GALNT13: variants seen among roughly 807,000 people sequenced by gnomAD.
The protein encoded by GALNT13 is UDP-GalNAc:polypeptide N-acetylgalactosaminyltransferase 13.
GALNT13 carries 28 observed loss-of-function variants against 64.2 expected under a neutral mutation model. The observed-to-expected ratio is 0.44, with a 90% CI of 0.32 to 0.60. The LOEUF (loss-of-function observed/expected upper bound fraction) is 0.60. GALNT13 is among the 20% of genes least tolerant of loss of function. GALNT13 has a pLI of 0.05. For synonymous variants in GALNT13, 214 were observed against 224.6 expected (o/e 0.95, Z 0.42); for missense variants, 577 against 669.8 (o/e 0.86, Z 1.53).
At chr2:153,568,577 A>C in the GALNT13 span, among the ~76,000 whole-genome samples, 1 of 152,182 alleles carries the variant, frequency 6.6e-6, no homozygotes, top group Non-Finnish European at 1.5e-5. Context: ...TCACTGAATA[A>C]AAGTACAATT....
chr2:153,220,701 G>A, the GALNT13 span, among the ~76,000 whole-genome samples: 5 of 152,138 alleles, frequency 3.3e-5, no homozygotes, highest in African/African-American at 9.7e-5. Flanking sequence ...CTGCTCTAAA[G>A]CTTTTTCATA....
the GALNT13 span, among the ~76,000 whole-genome samples, chr2:153,314,290 G>C: frequency 6.6e-6 from 1 of 152,014 alleles, no homozygotes; most frequent in African/African-American, 2.4e-5. Flanking sequence ...GAGACCTATA[G>C]AACACAATCA....
the GALNT13 span, among the ~76,000 whole-genome samples, chr2:153,102,259 T>TA: frequency 5.9e-5 from 9 of 152,226 alleles, no homozygotes; most frequent in Non-Finnish European, 1.2e-4. Context: ...CTTCTGTCTT[T>TA]AGATATAGAG....
the GALNT13 span, among the ~76,000 whole-genome samples, chr2:153,807,911 G>A: frequency 5.5e-3 from 833 of 152,060 alleles, 6 homozygotes; most frequent in African/African-American, 0.018. Flanking sequence ...TAAAGCCTTC[G>A]GTTATTTTCT....
chr2:154,200,968 AT>A (rs1687138061), intron 4 of GALNT13, among the ~76,000 whole-genome samples: 1 of 152,168 alleles, frequency 6.6e-6, no homozygotes, highest in African/African-American at 2.4e-5. Flanking sequence ...ATGCAATTCT[AT>A]TTTACAACAA....
chr2:153,824,013 G>T, the GALNT13 span, among the ~76,000 whole-genome samples: 2 of 152,040 alleles, frequency 1.3e-5, no homozygotes, highest in Non-Finnish European at 2.9e-5. Context: ...AACATGAAAA[G>T]AATGCTCCAC....
chr2:154,150,867 T>G lies in GALNT13; in HGVS notation c.311+10362T>G, dbSNP rs951467932. ...AGCGGTCTATCAATTTTGGTGATCC[T>G]TTCAAAAAACCAGCTCCTGGATTCA... On this transcript the variant is annotated intron_variant, in intron 4 of 12. Transcript: ENST00000392825. Among the ~76,000 whole-genome samples the G allele has an allele frequency of 1.3e-5, 2 of 152,180 alleles. 1 individual carries two copies. Among genetic ancestry groups the G allele is most frequent in the Non-Finnish European group, 2.9e-5 (2 of 68,040 alleles).
chr2:153,826,897 G>T, the GALNT13 span, among the ~76,000 whole-genome samples: 5 of 152,042 alleles, frequency 3.3e-5, no homozygotes, highest in African/African-American at 1.2e-4. Context: ...ATGAGGAGGA[G>T]AAAGTTGCTG....
chr2:153,534,518 C>CTTTTTTTTTTTTTTTTT, the GALNT13 span, among the ~76,000 whole-genome samples: 2 of 123,776 alleles, frequency 1.6e-5, 1 homozygote, highest in African/African-American at 7.1e-5. Flanking sequence ...GCCCCTCTTT[C>CTTTTTTTTTTTTTTTTT]TTTCTTTCTT....
At chr2:153,726,870 A>G in the GALNT13 span, among the ~76,000 whole-genome samples, 23,588 of 150,620 alleles carry the variant, frequency 0.16, 3,276 homozygotes, top group African/African-American at 0.37. Flanking sequence ...AACCCGGAAG[A>G]CAGAGCTTGC....
intron 2 of GALNT13, among the ~76,000 whole-genome samples, chr2:153,943,661 A>AT: frequency 6.6e-6 from 1 of 151,908 alleles, no homozygotes; most frequent in Admixed American, 6.6e-5. Flanking sequence ...TGCCTGGCTA[A>AT]TTTTTGTATT....
the GALNT13 span, among the ~76,000 whole-genome samples, chr2:153,788,280 G>A: frequency 2.0e-5 from 3 of 152,122 alleles, no homozygotes; most frequent in Non-Finnish European, 4.4e-5. Context: ...GAGATTGCAG[G>A]CCTATATTCA....
the GALNT13 span, among the ~76,000 whole-genome samples, chr2:153,193,626 T>TAATA: frequency 9.4e-5 from 14 of 148,780 alleles, no homozygotes; most frequent in Admixed American, 2.7e-4. Flanking sequence ...AATAGGTTTA[T>TAATA]AATAAATAAA....
chr2:154,060,874 A>T (rs1204554036), intron 3 of GALNT13, among the ~76,000 whole-genome samples: 1 of 152,126 alleles, frequency 6.6e-6, no homozygotes, highest in Non-Finnish European at 1.5e-5. Flanking sequence ...CCAGGGGGAC[A>T]CAGCAAGCTA....
At chr2:154,053,324 C>G (rs558121209) in intron 3 of GALNT13, among the ~76,000 whole-genome samples, 2 of 152,208 alleles carry the variant, frequency 1.3e-5, no homozygotes, top group East Asian at 3.9e-4. Flanking sequence ...ATGGCGATAG[C>G]TATACCTCAA....
In GALNT13 at chr2:153,907,072, T is replaced by C. The variant is rs1048494932; in HGVS notation, c.-105+6065T>C. Among the ~76,000 whole-genome samples, 15 of 152,134 alleles carry C rather than the reference T, an allele frequency of 9.9e-5. No individual in the cohort carries two copies. In the East Asian group the frequency reaches 2.3e-3, roughly 24 times the overall value. On this transcript the variant is annotated intron_variant, in intron 2 of 12. Transcript: ENST00000392825. ...TTGAGAAGTGTCTGTTCATATCCTT[T>C]GCCCAGTTTTTGATGGGGTTGTTTG...
chr2:153,755,274 T>C, the GALNT13 span, among the ~76,000 whole-genome samples: 1 of 152,196 alleles, frequency 6.6e-6, no homozygotes, highest in Non-Finnish European at 1.5e-5. Context: ...AGGTTTCTCT[T>C]CTGCCATCTT....
At chr2:153,359,630 C>CAAAAAAA in the GALNT13 span, among the ~76,000 whole-genome samples, 363 of 38,236 alleles carry the variant, frequency 9.5e-3, 56 homozygotes, top group Middle Eastern at 0.033. Flanking sequence ...CAGCTTTCAG[C>CAAAAAAA]AAAAAAAAAA....
At chr2:154,122,093 G>T (rs956759467) in intron 3 of GALNT13, among the ~76,000 whole-genome samples, 2 of 151,992 alleles carry the variant, frequency 1.3e-5, no homozygotes, top group East Asian at 3.9e-4. Context: ...TTATGCATTA[G>T]TTAATAAGTT....
Sources: gnomAD v4.1 joint callset for allele counts (sites outside exome capture counted in the v4.1 genomes callset) on GRCh38, gnomAD v4.1.1 for gene constraint, MANE v1.5 for transcripts, NCBI Gene and HGNC (gene_info 2026-07-23, HGNC 2026-07-21) for gene names.